The following TNFRSF19 variants were observed in gnomAD, a reference collection of about 807,000 sequenced individuals.
TNFRSF19 encodes tumor necrosis factor receptor superfamily member 19.
A neutral mutation model predicts 46.4 loss-of-function variants in TNFRSF19; 27 were observed. That is an observed-to-expected ratio of 0.58 (90% CI 0.43 to 0.80). The LOEUF (loss-of-function observed/expected upper bound fraction) is 0.80. TNFRSF19 is among the 30% of genes least tolerant of loss of function. The pLI is 0.00. For synonymous variants in TNFRSF19, 204 were observed against 205.0 expected, an observed-to-expected ratio of 1.00 and a Z score of 0.04; for missense variants, 511 against 530.8, an observed-to-expected ratio of 0.96 and a Z score of 0.37.
chr13:23,646,033 C>T (rs971994557), intron 5 of TNFRSF19, among the ~76,000 whole-genome samples: 5 of 152,106 alleles, frequency 3.3e-5, no homozygotes, highest in African/African-American at 1.2e-4. Context: ...TCAGTGTATC[C>T]AATTACTCTT....
chr13:23,629,443 A>G lies in TNFRSF19; in HGVS notation c.445+2651A>G, dbSNP rs558829522. ...TTGCTCTGGATTTCCCATTTCTGTC[A>G]GCTGCCCCAGGGACCACCCCAGTAC... is the stretch of plus-strand genomic sequence containing the variant. On this transcript the variant is annotated intron_variant, in intron 5 of 9. Coordinates refer to ENST00000248484, the MANE Select transcript of TNFRSF19 (RefSeq NM_148957.4). 9.2e-5 allele frequency among the ~76,000 whole-genome samples: 14 copies of G among 152,238 alleles called. No homozygotes were observed. In the East Asian group the frequency reaches 2.7e-3, roughly 29 times the overall value.
intron 2 of TNFRSF19, 29 bp downstream of exon 2, chr13:23,590,281 G>A: frequency 7.3e-6 from 10 of 1,375,644 alleles, no homozygotes; most frequent in Non-Finnish European, 1.0e-5. Flanking sequence ...TCTTTCATAA[G>A]AATGTGGTGA....
intron 5 of TNFRSF19, among the ~76,000 whole-genome samples, chr13:23,645,398 C>T (rs886990617): frequency 1.1e-4 from 17 of 151,972 alleles, no homozygotes; most frequent in African/African-American, 3.6e-4. Context: ...GACGGGTTTT[C>T]GCCATGTTGA....
chr13:23,657,226 A>T (rs1884040051), intron 5 of TNFRSF19, among the ~76,000 whole-genome samples: 1 of 152,098 alleles, frequency 6.6e-6, no homozygotes. Flanking sequence ...AAATACCAAG[A>T]CTCATGCTCC....
chr13:23,608,268 C>T (rs1485017581), intron 3 of TNFRSF19, among the ~76,000 whole-genome samples: 1 of 152,176 alleles, frequency 6.6e-6, no homozygotes, highest in East Asian at 1.9e-4. Context: ...GGGCTATGTT[C>T]ATGTAAACGA....
At position 23,674,577 on chromosome 13, in the gene TNFRSF19, G is replaced by C. The variant is rs1049662382; in HGVS notation, c.*1197G>C. On this transcript the variant is annotated 3_prime_UTR_variant, in exon 10 of 10. Transcript: ENST00000248484. The stretch of plus-strand genomic sequence containing the variant: ...TCCATCCCCTACCATCTACACATTA[G>C]CATTGTCTCTAGAGCTAAGACAGAA... The C allele has an allele frequency of 1.4e-4, 21 of 152,212 alleles. No individual in the cohort carries two copies. Among genetic ancestry groups the C allele is most frequent in the Admixed American group, 1.4e-3 (21 of 15,280 alleles). The allele number at this position is 152,212 out of a possible 1,614,324, so 9.4% of individuals were successfully genotyped here. A position where few individuals can be genotyped will look rare whatever the true frequency, so the allele number is the denominator to read the frequency against.
chr13:23,614,893 C>T (rs377142368), intron 3 of TNFRSF19, among the ~76,000 whole-genome samples: 29 of 152,066 alleles, frequency 1.9e-4, no homozygotes, highest in Middle Eastern at 3.4e-3. Flanking sequence ...ACTTCTCTGA[C>T]GCTCTATCCC....
At chr13:23,600,129 G>A (rs985441691) in intron 3 of TNFRSF19, among the ~76,000 whole-genome samples, 1 of 152,122 alleles carries the variant, frequency 6.6e-6, no homozygotes, top group Admixed American at 6.5e-5. Context: ...ACCATAAGAT[G>A]AAAGTCCTAT....
chr13:23,614,761 A>G (rs1301759261), intron 3 of TNFRSF19, among the ~76,000 whole-genome samples: 1 of 134,504 alleles, frequency 7.4e-6, no homozygotes, highest in Non-Finnish European at 1.7e-5. Flanking sequence ...ATATATATAT[A>G]TATATATAGT....
rs150343607 is a variant in TNFRSF19, at chr13:23,658,254, A to G, written c.446-796A>G. 4.7e-3 allele frequency among the ~76,000 whole-genome samples: 718 copies of G among 152,202 alleles called. 1 individual carries two copies. The highest frequency in any genetic ancestry group is 7.5e-3 in the Non-Finnish European group (508 of 68,012). On this transcript the variant is annotated intron_variant, in intron 5 of 9. Transcript: ENST00000248484. Reference sequence around the variant, plus strand: ...TTCTACAGCACAGCCAGTCCCACACACTTTACATAACACATGAGCCAGTCA... The same window carrying G: ...TTCTACAGCACAGCCAGTCCCACACGCTTTACATAACACATGAGCCAGTCA...
intron 5 of TNFRSF19, among the ~76,000 whole-genome samples, chr13:23,630,952 A>C (rs954866463): frequency 2.0e-5 from 3 of 152,036 alleles, no homozygotes; most frequent in African/African-American, 7.2e-5. Context: ...TTCTGGAGAG[A>C]TAAGGGATCA....
chr13:23,618,764 T>A (rs1376955963), intron 4 of TNFRSF19, among the ~76,000 whole-genome samples: 2 of 152,156 alleles, frequency 1.3e-5, no homozygotes, highest in Non-Finnish European at 2.9e-5. Flanking sequence ...ACAACCAAGC[T>A]CTGGTTTGAA....
At chr13:23,618,493 G>A (rs1219954665) in intron 4 of TNFRSF19, among the ~76,000 whole-genome samples, 1 of 152,140 alleles carries the variant, frequency 6.6e-6, no homozygotes, top group Non-Finnish European at 1.5e-5. Flanking sequence ...AGACGGTAAC[G>A]GTGATGACAT....
intron 3 of TNFRSF19, among the ~76,000 whole-genome samples, chr13:23,608,235 T>C (rs951007752): frequency 2.6e-5 from 4 of 152,252 alleles, no homozygotes; most frequent in Non-Finnish European, 4.4e-5. Context: ...ATTCTTATTT[T>C]AACTGTTTAC....
intron 9 of TNFRSF19, among the ~76,000 whole-genome samples, chr13:23,673,036 G>C (rs1951782191): frequency 6.6e-6 from 1 of 152,202 alleles, no homozygotes; most frequent in East Asian, 1.9e-4. Context: ...ACACAGTATA[G>C]AAGAAAGAAG....
At chr13:23,655,135 C>G (rs181697603) in intron 5 of TNFRSF19, among the ~76,000 whole-genome samples, 2 of 152,298 alleles carry the variant, frequency 1.3e-5, no homozygotes, top group Non-Finnish European at 1.5e-5. Flanking sequence ...AAACACTTGG[C>G]AGATTTTGCT....
intron 1 of TNFRSF19, among the ~76,000 whole-genome samples, chr13:23,574,661 G>T (rs1360502750): frequency 1.3e-5 from 2 of 152,160 alleles, no homozygotes; most frequent in African/African-American, 2.4e-5. Flanking sequence ...GCCAGTCCAA[G>T]CCACCCTGGA....
chr13:23,621,084 C>T (rs963316287), intron 4 of TNFRSF19, among the ~76,000 whole-genome samples: 9 of 152,080 alleles, frequency 5.9e-5, no homozygotes, highest in Non-Finnish European at 1.0e-4. Flanking sequence ...CTGGGGCTTC[C>T]GTGATTGATT....
In TNFRSF19 at chr13:23,588,791, G is replaced by A. The variant is rs1318895667; in HGVS notation, c.-34-1359G>A. On this transcript the variant is annotated intron_variant, in intron 1 of 9. Coordinates refer to ENST00000248484, the MANE Select transcript of TNFRSF19 (RefSeq NM_148957.4). Reference sequence around the variant, plus strand: ...TGCTGGTTGATTTTGAGATATGCCAGCAGGAAAAAAAGTTATGACCAAGTA... The same window carrying A: ...TGCTGGTTGATTTTGAGATATGCCAACAGGAAAAAAAGTTATGACCAAGTA... 5.3e-5 allele frequency among the ~76,000 whole-genome samples: 8 copies of A among 152,314 alleles called. No homozygotes were observed. In the South Asian group the frequency reaches 1.7e-3, roughly 32 times the overall value.
Sources: gnomAD v4.1 joint callset for allele counts (sites outside exome capture counted in the v4.1 genomes callset) on GRCh38, gnomAD v4.1.1 for gene constraint, MANE v1.5 for transcripts, NCBI Gene and HGNC (gene_info 2026-07-23, HGNC 2026-07-21) for gene names.